The following IGSF10 variants were observed in gnomAD, a reference collection of about 807,000 sequenced individuals.
IGSF10 encodes immunoglobulin superfamily member 10.
In IGSF10, 126 loss-of-function variants were observed where a neutral mutation model predicts 128.2. That is an observed-to-expected ratio of 0.98 (90% CI 0.85 to 1.14). IGSF10 has a LOEUF of 1.14. IGSF10 is among the 50% of genes most tolerant of loss of function. IGSF10 has a pLI of 0.00. For synonymous variants in IGSF10, 1,185 were observed against 1,146.2 expected (o/e 1.03, Z -0.68); for missense variants, 3,295 against 3,149.8 (o/e 1.05, Z -1.10).
At chr3:151,557,478 CGGAG>C in the IGSF10 span, among the ~76,000 whole-genome samples, 1 of 152,174 alleles carries the variant, frequency 6.6e-6, no homozygotes, top group Admixed American at 6.6e-5. Context: ...TTTAGTTAGA[CGGAG>C]GAGCCTCAGA....
intron 5 of IGSF10, among the ~76,000 whole-genome samples, chr3:151,451,150 G>A (rs1721492946): frequency 6.6e-6 from 1 of 151,938 alleles, no homozygotes; most frequent in South Asian, 2.1e-4. Flanking sequence ...CATTCCCTCG[G>A]TTCCAGCCCC....
downstream of IGSF10, chr3:151,434,063 T>C (rs1719821388): frequency 1.3e-5 from 2 of 152,562 alleles, no homozygotes; most frequent in African/African-American, 4.8e-5. Flanking sequence ...ATGCATAAAA[T>C]TTTGAATGTG....
intron 2 of IGSF10, among the ~76,000 whole-genome samples, chr3:151,460,000 G>A (rs1308149000): frequency 1.3e-5 from 2 of 152,146 alleles, no homozygotes; most frequent in Non-Finnish European, 2.9e-5. Context: ...GACCACTTTT[G>A]CCATCGTAAC....
chr3:151,582,297 G>A, the IGSF10 span, among the ~76,000 whole-genome samples: 2 of 113,892 alleles, frequency 1.8e-5, no homozygotes, highest in South Asian at 4.3e-4. Context: ...ATATCCGGGG[G>A]GGGGGGCGGG....
At chr3:151,484,680 C>T in the IGSF10 span, among the ~76,000 whole-genome samples, 685 of 140,786 alleles carry the variant, frequency 4.9e-3, 4 homozygotes, top group Non-Finnish European at 5.9e-3. Flanking sequence ...GGACCTCCAT[C>T]AAACTCCAGC....
At chr3:151,576,315 T>A in the IGSF10 span, among the ~76,000 whole-genome samples, 1 of 152,194 alleles carries the variant, frequency 6.6e-6, no homozygotes, top group African/African-American at 2.4e-5. Flanking sequence ...TTATGCCTTG[T>A]CTGAAGTCAA....
At chr3:151,555,936 G>A in the IGSF10 span, among the ~76,000 whole-genome samples, 1 of 152,072 alleles carries the variant, frequency 6.6e-6, no homozygotes, top group Non-Finnish European at 1.5e-5. Context: ...AACCAGATAT[G>A]CTCTTACACT....
At chr3:151,560,097 T>C in the IGSF10 span, among the ~76,000 whole-genome samples, 2 of 152,110 alleles carry the variant, frequency 1.3e-5, no homozygotes, top group Non-Finnish European at 2.9e-5. Flanking sequence ...CCCCAAAATA[T>C]GCCTTTTTGG....
At chr3:151,546,719 C>T in the IGSF10 span, among the ~76,000 whole-genome samples, 1 of 152,228 alleles carries the variant, frequency 6.6e-6, no homozygotes, top group Admixed American at 6.5e-5. Context: ...TGTCCCTCTT[C>T]CCCATTCTAT....
At chr3:151,482,697 G>C in the IGSF10 span, among the ~76,000 whole-genome samples, 1 of 152,130 alleles carries the variant, frequency 6.6e-6, no homozygotes, top group South Asian at 2.1e-4. Flanking sequence ...TAAGATTATA[G>C]GTTCCAAAAT....
the IGSF10 span, among the ~76,000 whole-genome samples, chr3:151,500,349 C>G: frequency 6.6e-6 from 1 of 151,990 alleles, no homozygotes; most frequent in Admixed American, 6.6e-5. Flanking sequence ...AGGAATTGAC[C>G]AGTATATTTT....
chr3:151,448,181 G>C lies in IGSF10; in HGVS notation c.1800C>G (p.Ile600Met). 1 of 1,614,166 alleles carries C rather than the reference G, an allele frequency of 6.2e-7. No homozygotes were observed. The highest frequency in any genetic ancestry group is 1.1e-5 in the South Asian group (1 of 91,078). Residue 600 changes from isoleucine (I) to methionine (M), a missense_variant, in exon 6 of 8, where the codon ATC (isoleucine) becomes ATG (methionine). By Grantham distance (10) the Ile-to-Met change is conservative. Coordinates refer to ENST00000282466, the MANE Select transcript of IGSF10 (RefSeq NM_178822.5). ...TLDLPCHSTG[I>M]PDASISWVIP... Reference sequence around the variant, plus strand: ...TAACCCAGCTAATAGAGGCATCTGGGATACCAGTAGAATGGCATGGAAGAT... The same window carrying C: ...TAACCCAGCTAATAGAGGCATCTGGCATACCAGTAGAATGGCATGGAAGAT...
chr3:151,450,425 C>G (rs920233518), intron 5 of IGSF10, among the ~76,000 whole-genome samples: 2 of 152,162 alleles, frequency 1.3e-5, no homozygotes, highest in Non-Finnish European at 2.9e-5. Flanking sequence ...TGCACATGTC[C>G]TCTCAAAGGC....
chr3:151,554,192 T>G, the IGSF10 span, among the ~76,000 whole-genome samples: 677 of 152,006 alleles, frequency 4.5e-3, 2 homozygotes, highest in African/African-American at 0.015. Context: ...TTCTTAGACA[T>G]GAACTTCTTC....
chr3:151,488,552 C>A, the IGSF10 span, among the ~76,000 whole-genome samples: 1 of 152,180 alleles, frequency 6.6e-6, no homozygotes, highest in African/African-American at 2.4e-5. Flanking sequence ...CTGGAGGCAT[C>A]ATGCTATCTG....
the IGSF10 span, among the ~76,000 whole-genome samples, chr3:151,617,323 TCCTCCTCCTCCC>T: frequency 5.8e-5 from 8 of 137,594 alleles, no homozygotes; most frequent in African/African-American, 2.2e-4. Flanking sequence ...CTTCTTCCCC[TCCTCCTCCTCCC>T]CCTCCTCCTC....
In IGSF10 at chr3:151,443,876, A is replaced by C. The variant is rs772432791; in HGVS notation, c.5071T>G (p.Leu1691Val). 2 of 1,585,486 alleles carry C rather than the reference A, an allele frequency of 1.3e-6. No homozygotes were observed. Among genetic ancestry groups the C allele is most frequent in the African/African-American group, 1.4e-5 (1 of 73,772 alleles). ...CTGCTATTCTGTTTCCTCTTAGATA[A>C]ATCAAGTCCTGAGAAGAAAAAAAGA... Reference protein sequence around the residue: ...HWTRVPSGLDLSKRKQNSRVQ... With the variant: ...HWTRVPSGLDVSKRKQNSRVQ... Residue 1691 changes from leucine (L) to valine (V), a missense_variant, in exon 7 of 8, where the codon TTA becomes GTA. Coordinates refer to ENST00000282466, the MANE Select transcript of IGSF10 (RefSeq NM_178822.5).
the IGSF10 span, among the ~76,000 whole-genome samples, chr3:151,515,676 A>C: frequency 6.7e-5 from 10 of 150,308 alleles, no homozygotes; most frequent in Admixed American, 1.3e-4. Context: ...AAAATGACCA[A>C]AAAATATATA....
the IGSF10 span, among the ~76,000 whole-genome samples, chr3:151,473,331 A>C: frequency 6.6e-6 from 1 of 152,230 alleles, no homozygotes; most frequent in Non-Finnish European, 1.5e-5. Flanking sequence ...AATCACCCTG[A>C]GACTCCAAGG....
Sources: gnomAD v4.1 joint callset for allele counts (sites outside exome capture counted in the v4.1 genomes callset) on GRCh38, gnomAD v4.1.1 for gene constraint, MANE v1.5 for transcripts, NCBI Gene and HGNC (gene_info 2026-07-23, HGNC 2026-07-21) for gene names.